Variants in SLC25A16 observed in about 807,000 individuals in gnomAD.
SLC25A16 encodes the protein solute carrier family 25 member 16.
A neutral mutation model predicts 41.5 loss-of-function variants in SLC25A16; 39 were observed. That is an observed-to-expected ratio of 0.94 (90% CI 0.73 to 1.23). The LOEUF (loss-of-function observed/expected upper bound fraction) is 1.23. Among genes scored for constraint, SLC25A16 ranks in the 50% most tolerant of loss-of-function variants. The pLI is 0.00. For synonymous variants in SLC25A16, 146 were observed against 147.8 expected, an observed-to-expected ratio of 0.99 and a Z score of 0.09; for missense variants, 421 against 426.9, an observed-to-expected ratio of 0.99 and a Z score of 0.12.
intron 3 of SLC25A16, among the ~76,000 whole-genome samples, 180 bp from the exon 4 acceptor site, chr10:68,503,875 G>A (rs1006178025): frequency 6.6e-6 from 1 of 152,096 alleles, no homozygotes; most frequent in Non-Finnish European, 1.5e-5. Context: ...AGCAGAAGGG[G>A]ATATTTCCTC....
rs1005849444 is a variant in SLC25A16, at chr10:68,482,085, G to C, written c.*1347C>G. The C allele has an allele frequency of 6.6e-6, 1 of 152,216 alleles. No homozygotes were observed. The highest frequency in any genetic ancestry group is 2.4e-5 in the African/African-American group (1 of 41,416). The allele number at this position is 152,216 out of a possible 1,614,324, so 9.4% of individuals were successfully genotyped here. On this transcript the variant is annotated 3_prime_UTR_variant, in exon 9 of 9. Transcript: ENST00000609923. Reference sequence around the variant, plus strand: ...AAAATTAGCCAGGCGAATTTTTGGTGGTGGGCACCTGTAGTCCCAGCTACT... The same window carrying C: ...AAAATTAGCCAGGCGAATTTTTGGTCGTGGGCACCTGTAGTCCCAGCTACT...
At chr10:68,489,631 G>T (rs988340199) in intron 6 of SLC25A16, among the ~76,000 whole-genome samples, 1 of 152,012 alleles carries the variant, frequency 6.6e-6, no homozygotes, top group African/African-American at 2.4e-5. Flanking sequence ...GGCCAGGCGC[G>T]GTGGCTTATG....
intron 7 of SLC25A16, 49 bp from the exon 8 acceptor site, chr10:68,487,261 T>C: frequency 1.5e-6 from 2 of 1,307,864 alleles, no homozygotes; most frequent in Non-Finnish European, 2.2e-6. Context: ...GGTTTTCTAC[T>C]CAACAACTAT....
rs116618017 is a variant in SLC25A16 at position 68,515,909 on chromosome 10, A to G, written c.223+842T>C. 2.7e-3 allele frequency among the ~76,000 whole-genome samples: 409 copies of G among 152,336 alleles called. 2 individuals carry two copies. The highest frequency in any genetic ancestry group is 9.4e-3 in the African/African-American group (393 of 41,592). On this transcript the variant is annotated intron_variant, in intron 2 of 8. Transcript: ENST00000609923. The stretch of plus-strand genomic sequence containing the variant: ...CAATAAACATGTAATATTTGCTTCA[A>G]TGATTCCAAGATTTGGGCTAGGAAA...
At position 68,527,426 on chromosome 10, in the gene SLC25A16, G is replaced by A. The variant is rs1327957478; in HGVS notation, c.-51C>T. 31 of 1,421,338 alleles carry A rather than the reference G, an allele frequency of 2.2e-5. No homozygotes were observed. The highest frequency in any genetic ancestry group is 1.8e-6 in the Non-Finnish European group (2 of 1,097,018). 88.0% of individuals were successfully genotyped at this position (1,421,338 alleles called of 1,614,324 possible). On this transcript the variant is annotated 5_prime_UTR_variant, in exon 1 of 9. Coordinates refer to ENST00000609923, the MANE Select transcript of SLC25A16 (RefSeq NM_152707.4). The stretch of plus-strand genomic sequence containing the variant: ...TAGGTTGCCAACTTACAGAACACCG[G>A]ACGGGACCATAGCCGGAACAGGCGG...
intron 1 of SLC25A16, among the ~76,000 whole-genome samples, chr10:68,526,429 T>A (rs2053338867): frequency 1.3e-5 from 2 of 152,070 alleles, no homozygotes; most frequent in African/African-American, 2.4e-5. Flanking sequence ...CCCTGACACA[T>A]CCCCCTCTTC....
chr10:68,485,085 T>C (rs1019636951), intron 8 of SLC25A16, among the ~76,000 whole-genome samples: 6 of 152,120 alleles, frequency 3.9e-5, no homozygotes, highest in African/African-American at 1.4e-4. Context: ...ATATATATAT[T>C]TTTTCTTCTT....
At chr10:68,491,230 T>C (rs1227383238) in intron 6 of SLC25A16, among the ~76,000 whole-genome samples, 1 of 151,944 alleles carries the variant, frequency 6.6e-6, no homozygotes, top group Non-Finnish European at 1.5e-5. Flanking sequence ...TGTTGCTTTT[T>C]TTTTTTCTTT....
In SLC25A16 at chr10:68,527,308, G is replaced by A. The variant is rs1332342775; in HGVS notation, c.68C>T (p.Ala23Val). 2 of 1,543,766 alleles carry A rather than the reference G, an allele frequency of 1.3e-6. No homozygotes were observed. Among genetic ancestry groups the A allele is most frequent in the Admixed American group, 4.0e-5 (2 of 49,900 alleles). Residue 23 changes from alanine (A) to valine (V), a missense_variant, in exon 1 of 9, where the codon GCA (alanine) becomes GTA (valine). Transcript: ENST00000609923. Reference sequence around the variant, plus strand: ...GCGGGTTGTGGGCCCTCCGGCCCCTGCCGCCTGCGGCATTGCGGGAGGGGG... The same window carrying A: ...GCGGGTTGTGGGCCCTCCGGCCCCTACCGCCTGCGGCATTGCGGGAGGGGG... ...ADPPPAMPQA[A>V]GAGGPTTRRD...
At position 68,496,609 on chromosome 10, in the gene SLC25A16, T is replaced by C. The variant is rs550625774; in HGVS notation, c.422-3039A>G. 1.9e-4 allele frequency: 188 copies of C among 983,632 alleles called. No homozygotes were observed. In the Middle Eastern group the frequency reaches 2.6e-3, roughly 14 times the overall value. The allele number at this position is 983,632 out of a possible 1,614,324, so 60.9% of individuals were successfully genotyped here. The stretch of plus-strand genomic sequence containing the variant: ...CTTTCCCTCTCTTAAGTCAAGAAAC[T>C]AAGGACATAAAGATAAATCTAAACA... On this transcript the variant is annotated intron_variant, in intron 4 of 8. Coordinates refer to ENST00000609923, the MANE Select transcript of SLC25A16 (RefSeq NM_152707.4).
intron 6 of SLC25A16, among the ~76,000 whole-genome samples, chr10:68,491,004 C>T (rs1173020464): frequency 6.6e-6 from 1 of 152,022 alleles, no homozygotes; most frequent in Non-Finnish European, 1.5e-5. Flanking sequence ...ATCCTCTTAA[C>T]TCAGCTTCTC....
intron 1 of SLC25A16, among the ~76,000 whole-genome samples, chr10:68,521,879 G>A (rs1564930764): frequency 1.3e-5 from 2 of 151,556 alleles, no homozygotes; most frequent in Non-Finnish European, 1.5e-5. Context: ...TTACAGGCGT[G>A]AGCCACCGCG....
chr10:68,526,676 G>A (rs2053343313), intron 1 of SLC25A16, among the ~76,000 whole-genome samples: 1 of 152,176 alleles, frequency 6.6e-6, no homozygotes, highest in Non-Finnish European at 1.5e-5. Flanking sequence ...GAGCTTGAAG[G>A]CCCAGGAAAT....
chr10:68,502,044 A>T lies in SLC25A16; in HGVS notation c.421+1588T>A, dbSNP rs565674818. 2.0e-3 allele frequency among the ~76,000 whole-genome samples: 305 copies of T among 151,984 alleles called. 1 individual carries two copies. The highest frequency in any genetic ancestry group is 7.0e-3 in the African/African-American group (290 of 41,472). On this transcript the variant is annotated intron_variant, in intron 4 of 8. Transcript: ENST00000609923. Reference sequence around the variant, plus strand: ...ATACCCCATTTCTACTAAAATACAAAAATCAGCCGGGCATGGTGGTGTGAG... The same window carrying T: ...ATACCCCATTTCTACTAAAATACAATAATCAGCCGGGCATGGTGGTGTGAG...
chr10:68,513,177 TC>T (rs2053097239), intron 2 of SLC25A16, among the ~76,000 whole-genome samples: 1 of 143,856 alleles, frequency 7.0e-6, no homozygotes. Flanking sequence ...AGACCTACTC[TC>T]TATTTTTTTT....
At chr10:68,502,570 G>A (rs1649888996) in intron 4 of SLC25A16, among the ~76,000 whole-genome samples, 1 of 150,680 alleles carries the variant, frequency 6.6e-6, no homozygotes. Flanking sequence ...TCTCTACAGA[G>A]AATACAAAAA....
At chr10:68,523,450 C>T (rs369324334) in intron 1 of SLC25A16, among the ~76,000 whole-genome samples, 1 of 151,714 alleles carries the variant, frequency 6.6e-6, no homozygotes, top group East Asian at 2.0e-4. Context: ...AGTTGGAACT[C>T]GAATATTTTC....
At chr10:68,499,568 A>G in intron 4 of SLC25A16, 1 of 254,172 alleles carries the variant, frequency 3.9e-6, no homozygotes, top group Non-Finnish European at 8.1e-6. Context: ...CAACCGAGGC[A>G]AGAAACGCAA....
Position 68,481,620 on chromosome 10 carries a change from C to G in SLC25A16, c.*1812G>C, listed in dbSNP as rs1358966026. ...TGGACTCAACTTAGTTTTCTAATGTCTCCTTTTTTTTGAGATGGAGGCTCA... is the reference window on the plus strand; with the variant it reads ...TGGACTCAACTTAGTTTTCTAATGTGTCCTTTTTTTTGAGATGGAGGCTCA... On this transcript the variant is annotated 3_prime_UTR_variant, in exon 9 of 9. Coordinates refer to ENST00000609923, the MANE Select transcript of SLC25A16 (RefSeq NM_152707.4). 6.6e-6 allele frequency: 1 copy of G among 151,678 alleles called. No homozygotes were observed. Among genetic ancestry groups the G allele is most frequent in the Non-Finnish European group, 1.5e-5 (1 of 67,980 alleles). The allele number at this position is 151,678 out of a possible 1,614,324, so 9.4% of individuals were successfully genotyped here.
Sources: gnomAD v4.1 joint callset for allele counts (sites outside exome capture counted in the v4.1 genomes callset) on GRCh38, gnomAD v4.1.1 for gene constraint, MANE v1.5 for transcripts, NCBI Gene and HGNC (gene_info 2026-07-23, HGNC 2026-07-21) for gene names.